The following LRP1B variants were observed in gnomAD, a reference collection of about 807,000 sequenced individuals.
LRP1B encodes LDL receptor related protein 1B.
In LRP1B, 217 loss-of-function variants were observed where a neutral mutation model predicts 556.6. The observed-to-expected ratio is 0.39, with a 90% CI of 0.35 to 0.44. The LOEUF (loss-of-function observed/expected upper bound fraction) is 0.44. Among genes scored for constraint, LRP1B ranks in the 20% least tolerant of loss-of-function variants. The probability of loss-of-function intolerance (pLI) is 1.00; values close to 1 mark genes in which losing one functional copy is unlikely to be tolerated. For synonymous variants in LRP1B, 2,047 were observed against 1,865.8 expected, an observed-to-expected ratio of 1.10 and a Z score of -2.50; for missense variants, 5,053 against 5,620.8, an observed-to-expected ratio of 0.90 and a Z score of 3.23.
intron 2 of LRP1B, among the ~76,000 whole-genome samples, chr2:141,690,953 A>C (rs1255848816): frequency 6.6e-6 from 1 of 151,856 alleles, no homozygotes; most frequent in Non-Finnish European, 1.5e-5. Flanking sequence ...GGGGGACGAA[A>C]GATACATTCT....
chr2:141,079,753 CTA>C (rs374151546), intron 7 of LRP1B, among the ~76,000 whole-genome samples: 10 of 152,214 alleles, frequency 6.6e-5, no homozygotes, highest in African/African-American at 2.4e-4. Flanking sequence ...TTTATGAAGA[CTA>C]TGTAAAAACT....
rs576422439 is a variant in LRP1B at position 141,557,636 on chromosome 2, C to A, written c.206-77103G>T. Reference sequence around the variant, plus strand: ...GCTGGAACACTGATGTGGTGCACAGCAGATCCAGACATCCTTAGAAATAGT... The same window carrying A: ...GCTGGAACACTGATGTGGTGCACAGAAGATCCAGACATCCTTAGAAATAGT... On this transcript the variant is annotated intron_variant, in intron 2 of 90. Transcript: ENST00000389484. 5.3e-5 allele frequency among the ~76,000 whole-genome samples: 8 copies of A among 152,010 alleles called. No individual in the cohort carries two copies. In the East Asian group the frequency reaches 1.5e-3, roughly 29 times the overall value.
intron 43 of LRP1B, among the ~76,000 whole-genome samples, chr2:140,583,839 C>G (rs1681876866): frequency 6.6e-6 from 1 of 151,844 alleles, no homozygotes; most frequent in Non-Finnish European, 1.5e-5. Context: ...AATCAAAGGA[C>G]TATAAAAAAA....
At chr2:141,721,164 C>A (rs1029034046) in intron 2 of LRP1B, among the ~76,000 whole-genome samples, 3 of 152,228 alleles carry the variant, frequency 2.0e-5, no homozygotes, top group Admixed American at 2.0e-4. Context: ...TATAAACAAA[C>A]CTTCATGGGG....
chr2:140,340,527 T>TGAAATAAG (rs1681337824), intron 77 of LRP1B, among the ~76,000 whole-genome samples: 1 of 151,468 alleles, frequency 6.6e-6, no homozygotes, highest in African/African-American at 2.4e-5. Context: ...TTCACATATG[T>TGAAATAAG]GAAATAAGGA....
intron 86 of LRP1B, among the ~76,000 whole-genome samples, chr2:140,248,544 A>G (rs1681268584): frequency 6.6e-6 from 1 of 151,698 alleles, no homozygotes; most frequent in Non-Finnish European, 1.5e-5. Context: ...CAAGTAAATC[A>G]TTAACACAGA....
chr2:140,267,797 G>GAT (rs1164184593), intron 86 of LRP1B, among the ~76,000 whole-genome samples: 1 of 151,968 alleles, frequency 6.6e-6, no homozygotes, highest in East Asian at 1.9e-4. Context: ...TACAAACAGA[G>GAT]ATAGAGACAT....
At chr2:141,891,855 A>G (rs1286119382) in intron 1 of LRP1B, among the ~76,000 whole-genome samples, 3 of 152,138 alleles carry the variant, frequency 2.0e-5, no homozygotes, top group African/African-American at 7.2e-5. Flanking sequence ...TTTTCACCTC[A>G]TAATACTTTA....
chr2:140,864,547 C>A (rs1054556244), intron 27 of LRP1B, among the ~76,000 whole-genome samples: 1 of 152,018 alleles, frequency 6.6e-6, no homozygotes, highest in Admixed American at 6.6e-5. Context: ...GTCATAATCA[C>A]AAAACCATTT....
In LRP1B at chr2:141,605,136, T is replaced by C. The variant is rs117657894; in HGVS notation, c.206-124603A>G. Among the ~76,000 whole-genome samples the C allele has an allele frequency of 1.3e-3, 192 of 152,168 alleles. 5 individuals are homozygous for C. In the East Asian group the frequency reaches 0.036, roughly 29 times the overall value. Reference sequence around the variant, plus strand: ...TGGAGCACATTCGATTTGCTATATATATTTGTGCAAATTGGCAAACAAAAG... The same window carrying C: ...TGGAGCACATTCGATTTGCTATATACATTTGTGCAAATTGGCAAACAAAAG... On this transcript the variant is annotated intron_variant, in intron 2 of 90. Coordinates refer to ENST00000389484, the MANE Select transcript of LRP1B (RefSeq NM_018557.3).
At chr2:141,274,547 A>T (rs1685211145) in intron 3 of LRP1B, among the ~76,000 whole-genome samples, 1 of 152,092 alleles carries the variant, frequency 6.6e-6, no homozygotes, top group Non-Finnish European at 1.5e-5. Flanking sequence ...GTACTGGGGG[A>T]TATTGTGGGA....
intron 1 of LRP1B, among the ~76,000 whole-genome samples, chr2:142,028,041 T>C (rs1703566996): frequency 6.6e-6 from 1 of 152,018 alleles, no homozygotes; most frequent in Non-Finnish European, 1.5e-5. Flanking sequence ...ACATTTAACA[T>C]TTATTTAATC....
At chr2:142,015,182 C>A (rs1053163970) in intron 1 of LRP1B, among the ~76,000 whole-genome samples, 3 of 152,110 alleles carry the variant, frequency 2.0e-5, no homozygotes, top group Admixed American at 6.5e-5. Flanking sequence ...AAAACATGAT[C>A]TTTAAGAAAG....
chr2:141,418,311 T>C (rs1679995326), intron 3 of LRP1B, among the ~76,000 whole-genome samples: 1 of 152,166 alleles, frequency 6.6e-6, no homozygotes, highest in African/African-American at 2.4e-5. Context: ...AAATCATGAA[T>C]ATCAATGTTA....
intron 2 of LRP1B, among the ~76,000 whole-genome samples, chr2:141,740,788 G>A (rs17802099): frequency 0.11 from 16,004 of 152,150 alleles, 1,143 homozygotes; most frequent in Non-Finnish European, 0.14. Context: ...TAGAGCACTG[G>A]CCTCGGAAGC....
intron 1 of LRP1B, among the ~76,000 whole-genome samples, chr2:142,055,516 C>A (rs1297921042): frequency 6.6e-6 from 1 of 152,100 alleles, no homozygotes; most frequent in South Asian, 2.1e-4. Flanking sequence ...GTTTAATTCA[C>A]CCGTATAGAC....
intron 3 of LRP1B, among the ~76,000 whole-genome samples, chr2:141,257,783 T>A (rs767233843): frequency 9.2e-5 from 14 of 152,222 alleles, no homozygotes; most frequent in Non-Finnish European, 1.6e-4. Flanking sequence ...TGAAGAACCA[T>A]GAAGAACTAA....
chr2:140,727,434 G>T (rs1687632583), intron 35 of LRP1B, among the ~76,000 whole-genome samples: 1 of 152,124 alleles, frequency 6.6e-6, no homozygotes, highest in African/African-American at 2.4e-5. Context: ...ATCTCATGCT[G>T]GTTGAAACCT....
At chr2:141,292,221 C>G (rs1185174362) in intron 3 of LRP1B, among the ~76,000 whole-genome samples, 2 of 152,154 alleles carry the variant, frequency 1.3e-5, no homozygotes, top group Non-Finnish European at 2.9e-5. Context: ...ACAGCTTCAT[C>G]CTAAAACCAT....
Sources: gnomAD v4.1 joint callset for allele counts (sites outside exome capture counted in the v4.1 genomes callset) on GRCh38, gnomAD v4.1.1 for gene constraint, MANE v1.5 for transcripts, NCBI Gene and HGNC (gene_info 2026-07-23, HGNC 2026-07-21) for gene names.